The following CCNB3 variants were observed in gnomAD, a reference collection of about 807,000 sequenced individuals.
CCNB3 encodes G2/mitotic-specific cyclin-B3.
CCNB3 carries 12 observed loss-of-function variants against 68.0 expected under a neutral mutation model. That is an observed-to-expected ratio of 0.18 (90% CI 0.11 to 0.29). The LOEUF is 0.29. Among genes scored for constraint, CCNB3 ranks in the 10% least tolerant of loss-of-function variants. The probability of loss-of-function intolerance (pLI) is 1.00; values close to 1 mark genes in which losing one functional copy is unlikely to be tolerated. For missense variants in CCNB3, 904 were observed against 993.1 expected, an observed-to-expected ratio of 0.91 and a Z score of 1.21; for synonymous variants, 354 against 388.9, an observed-to-expected ratio of 0.91 and a Z score of 1.06.
At chrX:50,284,854 A>G (rs747516334) in intron 2 of CCNB3, among the ~76,000 whole-genome samples, 19 of 111,643 alleles carry the variant, frequency 1.7e-4, no homozygotes, top group South Asian at 1.1e-3. Context: ...GGCTTTTTAC[A>G]TAAAGTGTCT....
chrX:50,308,888 G>A lies in CCNB3; in HGVS notation c.719G>A (p.Arg240Gln), dbSNP rs782163531. ...SLKKKMCASQ[R>Q]KQSCQEESLA... ...AAGAAGAAGATGTGTGCAAGTCAGCGGAAGCAGTCCTGCCAGGAAGAGTCG... is the reference window on the plus strand; with the variant it reads ...AAGAAGAAGATGTGTGCAAGTCAGCAGAAGCAGTCCTGCCAGGAAGAGTCG... The change falls in exon 6 of 13, where the codon CGG becomes CAG. Residue 240 changes from arginine (R) to glutamine (Q), a missense_variant. Physicochemically the swap from Arg to Gln is conservative, Grantham distance 43 (BLOSUM62 1). Transcript: ENST00000376042. 23 of 1,209,332 alleles carry A rather than the reference G, an allele frequency of 1.9e-5. No homozygotes were observed. The highest frequency in any genetic ancestry group is 1.5e-4 in the East Asian group (5 of 33,738).
At chrX:50,283,733 C>T (rs968962084) in intron 1 of CCNB3, among the ~76,000 whole-genome samples, 3 of 110,886 alleles carry the variant, frequency 2.7e-5, no homozygotes, top group East Asian at 2.8e-4. Context: ...TGCCTGGGCT[C>T]GGCTTTCTTT....
chrX:50,205,544 G>A (rs782649363), intron 1 of CCNB3, among the ~76,000 whole-genome samples: 1 of 111,984 alleles, frequency 8.9e-6, no homozygotes, highest in South Asian at 3.7e-4. Context: ...ATTACAGCTG[G>A]GTGCAGTGGC....
chrX:50,207,194 C>T (rs1935383312), intron 1 of CCNB3, among the ~76,000 whole-genome samples: 1 of 111,693 alleles, frequency 9.0e-6, no homozygotes, highest in African/African-American at 3.3e-5. Context: ...TCTCTGTGTA[C>T]AACCTAGCAG....
At chrX:50,204,118 G>A (rs1359870262), upstream of CCNB3, among the ~76,000 whole-genome samples, 1 of 111,687 alleles carries the variant, frequency 9.0e-6, no homozygotes, top group Non-Finnish European at 1.9e-5. Context: ...ACAATACTGG[G>A]CACACAGGTG....
At chrX:50,326,534 A>G (rs1015219408) in intron 8 of CCNB3, among the ~76,000 whole-genome samples, 1 of 110,799 alleles carries the variant, frequency 9.0e-6, no homozygotes, top group Non-Finnish European at 1.9e-5. Context: ...ACTTTCTTTT[A>G]TCTCTTAATT....
chrX:50,279,170 T>C (rs1422169101), intron 1 of CCNB3, among the ~76,000 whole-genome samples: 1 of 36 alleles, frequency 0.028, no homozygotes, highest in Non-Finnish European at 0.067. Flanking sequence ...ATTCTATATA[T>C]ATATGAATAT....
chrX:50,207,297 A>G (rs1380732796), intron 1 of CCNB3, among the ~76,000 whole-genome samples: 2 of 111,558 alleles, frequency 1.8e-5, no homozygotes, highest in African/African-American at 6.5e-5. Context: ...GGACTCAATC[A>G]TTTGTGTCTT....
intron 1 of CCNB3, among the ~76,000 whole-genome samples, chrX:50,282,413 G>C (rs1936155184): frequency 8.9e-6 from 1 of 111,858 alleles, no homozygotes; most frequent in Non-Finnish European, 1.9e-5. Context: ...CCTGTAGACT[G>C]TTTTGATCAG....
In CCNB3 at chrX:50,210,806, G is replaced by T. The variant is rs1190683661; in HGVS notation, c.-113+5856G>T. Among the ~76,000 whole-genome samples the T allele has an allele frequency of 2.5e-4, 28 of 111,304 alleles. 1 individual carries two copies. Among genetic ancestry groups the T allele is most frequent in the Admixed American group, 2.5e-3 (26 of 10,376 alleles). On this transcript the variant is annotated intron_variant, in intron 1 of 12. Coordinates refer to ENST00000376042, the MANE Select transcript of CCNB3 (RefSeq NM_033031.3). Reference sequence around the variant, plus strand: ...TTGTTAGCTATGACCAGAGCTTTTTGCCTTACATATTGATTATATATTATA... The same window carrying T: ...TTGTTAGCTATGACCAGAGCTTTTTTCCTTACATATTGATTATATATTATA...
chrX:50,227,970 TATAG>T, intron 1 of CCNB3, among the ~76,000 whole-genome samples: 1 of 85,737 alleles, frequency 1.2e-5, no homozygotes, highest in South Asian at 5.3e-4. Context: ...TATATAAATA[TATAG>T]AGAGAATATA....
In CCNB3 at chrX:50,345,319, G is replaced by A. The variant is rs368485390; in HGVS notation, c.3655-1333G>A. ...TGTTTCCTCTCTCCCTCCCTCACCTGCTGGCTCCCTCTTTCCTTCCCTCCT... is the reference window on the plus strand; with the variant it reads ...TGTTTCCTCTCTCCCTCCCTCACCTACTGGCTCCCTCTTTCCTTCCCTCCT... On this transcript the variant is annotated intron_variant, in intron 9 of 12. Coordinates refer to ENST00000376042, the MANE Select transcript of CCNB3 (RefSeq NM_033031.3). 1.2e-3 allele frequency among the ~76,000 whole-genome samples: 128 copies of A among 107,339 alleles called. No individual in the cohort carries two copies. In the South Asian group the frequency reaches 0.036, roughly 30 times the overall value. The allele number at this position is 107,339 out of a possible 115,157, so 93.2% of individuals were successfully genotyped here. A position where few individuals can be genotyped will look rare whatever the true frequency, so the allele number is the denominator to read the frequency against.
At chrX:50,333,672 C>A (rs1922712688) in intron 8 of CCNB3, among the ~76,000 whole-genome samples, 1 of 111,268 alleles carries the variant, frequency 9.0e-6, no homozygotes, top group Non-Finnish European at 1.9e-5. Flanking sequence ...TTATTACTTA[C>A]CCCCCTTCTG....
At chrX:50,208,648 AATATCTTGCT>A (rs1935417156) in intron 1 of CCNB3, among the ~76,000 whole-genome samples, 1 of 111,984 alleles carries the variant, frequency 8.9e-6, no homozygotes, top group East Asian at 2.8e-4. Context: ...TTTGTTTGCT[AATATCTTGCT>A]AAGAATTTTG....
chrX:50,347,600 T>C, intron 10 of CCNB3, 26 bp from the exon 11 acceptor site: 1 of 1,191,242 alleles, frequency 8.4e-7, no homozygotes. Flanking sequence ...AATTGATTTC[T>C]GAGCCAGTCT....
chrX:50,215,941 CTTTTTTTTTT>C (rs1195858030), intron 1 of CCNB3, among the ~76,000 whole-genome samples: 4 of 52,487 alleles, frequency 7.6e-5, no homozygotes, highest in African/African-American at 3.4e-4. Context: ...GGGTGTGCTT[CTTTTTTTTTT>C]TTTTTTTTTT....
intron 8 of CCNB3, among the ~76,000 whole-genome samples, chrX:50,332,742 G>A (rs1557218250): frequency 9.0e-6 from 1 of 111,646 alleles, no homozygotes; most frequent in African/African-American, 3.3e-5. Context: ...GGCCGCAAAG[G>A]GGCTACATTC....
At chrX:50,327,832 G>A (rs1922373050) in intron 8 of CCNB3, among the ~76,000 whole-genome samples, 1 of 111,340 alleles carries the variant, frequency 9.0e-6, no homozygotes, top group Admixed American at 9.6e-5. Context: ...CTAGTAAAGG[G>A]GAATTAAGGT....
intron 1 of CCNB3, among the ~76,000 whole-genome samples, chrX:50,222,647 G>C (rs1277842084): frequency 9.0e-6 from 1 of 111,724 alleles, no homozygotes; most frequent in Non-Finnish European, 1.9e-5. Context: ...CTGTTAGTCT[G>C]ATGGGCTTCT....
Sources: allele counts gnomAD v4.1 joint callset (sites outside exome capture counted in the v4.1 genomes callset), GRCh38; gene constraint gnomAD v4.1.1; transcripts MANE v1.5; gene names NCBI Gene and HGNC (gene_info 2026-07-23, HGNC 2026-07-21).